The following ATIC variants were observed in gnomAD, a reference collection of about 807,000 sequenced individuals.
The protein encoded by ATIC is bifunctional purine biosynthesis protein ATIC.
ATIC carries 64 observed loss-of-function variants against 72.5 expected under a neutral mutation model. The ratio of observed to expected loss-of-function variants is 0.88; its 90% CI spans 0.72 to 1.09. The LOEUF is 1.09. Among genes scored for constraint, ATIC ranks in the 50% least tolerant of loss-of-function variants. ATIC has a pLI of 0.00. For synonymous variants in ATIC, 281 were observed against 267.1 expected (o/e 1.05, Z -0.51); for missense variants, 787 against 732.4 (o/e 1.07, Z -0.86).
rs200727346 is a variant in ATIC, at chr2:215,346,959, G to C, written c.1503+18G>C. The C allele has an allele frequency of 5.2e-5, 84 of 1,613,746 alleles. No individual in the cohort carries two copies. In the East Asian group the frequency reaches 7.6e-4, roughly 15 times the overall value. ...TTGGCGAGGTGAAAGACTTGGCATT[G>C]GGTTCTCGGCTGTGTTAATATTCAG... is the stretch of plus-strand genomic sequence containing the variant. On this transcript the variant is annotated intron_variant, in intron 14 of 15. Transcript: ENST00000236959.
At chr2:215,349,021 C>A in intron 14 of ATIC, 73 bp from the exon 15 acceptor site, 1 of 1,492,574 alleles carries the variant, frequency 6.7e-7, no homozygotes, top group Non-Finnish European at 9.2e-7. Context: ...TGCTTTCTGG[C>A]ATGGTGATTT....
chr2:215,317,297 T>G (rs2052720697), intron 2 of ATIC, among the ~76,000 whole-genome samples: 1 of 152,256 alleles, frequency 6.6e-6, no homozygotes, highest in African/African-American at 2.4e-5. Context: ...ACTCTCAATC[T>G]TTTGTTTAAA....
the ATIC span, chr2:215,362,110 G>C: frequency 6.6e-7 from 1 of 1,521,080 alleles, no homozygotes; most frequent in South Asian, 1.1e-5. Flanking sequence ...AGTCAAATGG[G>C]GTTTATGATA....
chr2:215,317,436 A>G (rs2052721679), intron 2 of ATIC, among the ~76,000 whole-genome samples: 1 of 152,184 alleles, frequency 6.6e-6, no homozygotes. Flanking sequence ...ACACCACTTT[A>G]TTAAACAGTC....
chr2:215,346,774 G>A lies in ATIC; in HGVS notation c.1336G>A (p.Ala446Thr). The A allele has an allele frequency of 6.2e-7, 1 of 1,614,174 alleles. No individual in the cohort carries two copies. Among genetic ancestry groups the A allele is most frequent in the Non-Finnish European group, 8.5e-7 (1 of 1,180,024 alleles). The change falls in exon 14 of 16, where the codon GCA becomes ACA. Residue 446 changes from alanine to threonine, a missense_variant. Coordinates refer to ENST00000236959, the MANE Select transcript of ATIC (RefSeq NM_004044.7). The part of the protein sequence containing the change: ...AKNGQVIGIG[A>T]GQQSRIHCTR... ...TGTTCCTCAGGTTATCGGCATTGGA[G>A]CAGGACAGCAGTCTCGTATACACTG... is the stretch of plus-strand genomic sequence containing the variant.
intron 4 of ATIC, among the ~76,000 whole-genome samples, chr2:215,324,080 A>G (rs1337116255): frequency 6.6e-6 from 1 of 152,042 alleles, no homozygotes; most frequent in Non-Finnish European, 1.5e-5. Flanking sequence ...TATTTTTAGT[A>G]GAGATGGGGT....
the ATIC span, among the ~76,000 whole-genome samples, chr2:215,365,966 A>ATT: frequency 0.067 from 6,007 of 90,282 alleles, 332 homozygotes; most frequent in Middle Eastern, 0.1. Context: ...CCACAGTGCT[A>ATT]TTTTTTTTTT....
At chr2:215,328,951 A>G (rs2106012033) in intron 7 of ATIC, among the ~76,000 whole-genome samples, 1 of 152,264 alleles carries the variant, frequency 6.6e-6, no homozygotes, top group Admixed American at 6.5e-5. Context: ...TCCTGACCTC[A>G]GGTGATCTGC....
At chr2:215,323,963 T>C (rs1050724570) in intron 4 of ATIC, among the ~76,000 whole-genome samples, 8 of 152,204 alleles carry the variant, frequency 5.3e-5, no homozygotes, top group African/African-American at 1.9e-4. Flanking sequence ...GGTTTCTCCA[T>C]GTTGGTCAGG....
At chr2:215,364,966 A>C in the ATIC span, 1 of 1,579,148 alleles carries the variant, frequency 6.3e-7, no homozygotes, top group Non-Finnish European at 8.6e-7. Context: ...TCTTCCCATC[A>C]TCATAACACG....
At chr2:215,337,841 AT>A (rs2052973393) in intron 11 of ATIC, among the ~76,000 whole-genome samples, 1 of 152,188 alleles carries the variant, frequency 6.6e-6, no homozygotes, top group African/African-American at 2.4e-5. Flanking sequence ...TCAGGACTTC[AT>A]TGGTATTTTA....
At chr2:215,339,891 C>T (rs962407689) in intron 12 of ATIC, among the ~76,000 whole-genome samples, 7 of 152,122 alleles carry the variant, frequency 4.6e-5, no homozygotes, top group Admixed American at 4.6e-4. Flanking sequence ...CCACCTCAGC[C>T]TCCCAAAGTG....
Position 215,312,106 on chromosome 2 carries a change from C to T in ATIC, c.-37C>T. ...ACCTGCGCACGTGGTGCCGCCGCTG[C>T]TGCCTCCCGCTCGCCCTGAACCCAG... On this transcript the variant is annotated 5_prime_UTR_variant, in exon 1 of 16. Coordinates refer to ENST00000236959, the MANE Select transcript of ATIC (RefSeq NM_004044.7). The T allele has an allele frequency of 6.5e-7, 1 of 1,530,440 alleles. No homozygotes were observed. Among genetic ancestry groups the T allele is most frequent in the Non-Finnish European group, 8.7e-7 (1 of 1,144,884 alleles). The allele number at this position is 1,530,440 out of a possible 1,614,324, so 94.8% of individuals were successfully genotyped here.
chr2:215,329,437 C>T (rs2052865897), intron 7 of ATIC, among the ~76,000 whole-genome samples: 1 of 152,108 alleles, frequency 6.6e-6, no homozygotes, highest in Admixed American at 6.6e-5. Context: ...TGCGAGATTC[C>T]CAGGATTTCT....
At position 215,329,774 on chromosome 2, in the gene ATIC, T is replaced by C. The variant is rs186372057; in HGVS notation, c.689-2608T>C. On this transcript the variant is annotated intron_variant, in intron 7 of 15. Coordinates refer to ENST00000236959, the MANE Select transcript of ATIC (RefSeq NM_004044.7). ...TTTGAAGGGGAACCGGATACTCTTT[T>C]TTTTTTGAGGCAGAGTCTTGCTCTG... Among the ~76,000 whole-genome samples the C allele has an allele frequency of 4.1e-3, 627 of 152,310 alleles. 3 individuals are homozygous for C. The highest frequency in any genetic ancestry group is 0.015 in the African/African-American group (608 of 41,572).
At chr2:215,322,246 T>G (rs2052775831) in intron 4 of ATIC, among the ~76,000 whole-genome samples, 1 of 151,940 alleles carries the variant, frequency 6.6e-6, no homozygotes, top group South Asian at 2.1e-4. Flanking sequence ...TATTTTTTCT[T>G]TTGTTGCTTG....
Position 215,332,449 on chromosome 2 carries a change from A to G in ATIC, c.756A>G (p.Glu252=), listed in dbSNP as rs1398009225. The G allele has an allele frequency of 1.2e-6, 2 of 1,614,018 alleles. No homozygotes were observed. The highest frequency in any genetic ancestry group is 1.7e-6 in the Non-Finnish European group (2 of 1,180,000). Residue 252 remains glutamate, a synonymous_variant, in exon 8 of 16, where the codon GAA becomes GAG. Coordinates refer to ENST00000236959, the MANE Select transcript of ATIC (RefSeq NM_004044.7). ...DALNAWQLVK[E]LKEALGIPAA... ...TGAACGCCTGGCAGCTGGTGAAGGA[A>G]CTCAAGGAGGCTTTAGGTATTCCAG...
At chr2:215,335,908 T>G in intron 10 of ATIC, 127 bp from the exon 11 acceptor site, 2 of 711,640 alleles carry the variant, frequency 2.8e-6, no homozygotes, top group Non-Finnish European at 4.9e-6. Context: ...AGCGTTAGCA[T>G]TGTTTGTTGG....
the ATIC span, chr2:215,365,054 G>A: frequency 9.7e-7 from 1 of 1,029,696 alleles, no homozygotes; most frequent in Middle Eastern, 2.0e-4. Flanking sequence ...TCTAGGGGTG[G>A]GTTCTATTTC....
Sources: allele counts gnomAD v4.1 joint callset (sites outside exome capture counted in the v4.1 genomes callset), GRCh38; gene constraint gnomAD v4.1.1; transcripts MANE v1.5; gene names NCBI Gene and HGNC (gene_info 2026-07-23, HGNC 2026-07-21).